Variants in MAP3K4 observed in about 807,000 individuals in gnomAD.
MAP3K4 encodes MAP three kinase 1.
Under a neutral mutation model 185.6 loss-of-function variants are expected in MAP3K4, and 67 were observed. That is an observed-to-expected ratio of 0.36 (90% CI 0.30 to 0.44). The LOEUF is 0.44. MAP3K4 is among the 20% of genes least tolerant of loss of function. The probability of loss-of-function intolerance (pLI) is 1.00; values close to 1 mark genes in which losing one functional copy is unlikely to be tolerated. For synonymous variants in MAP3K4, 702 were observed against 710.4 expected, an observed-to-expected ratio of 0.99 and a Z score of 0.19; for missense variants, 1,551 against 1,995.1, an observed-to-expected ratio of 0.78 and a Z score of 4.24.
chr6:161,068,750 A>G (rs1784811143), intron 3 of MAP3K4, among the ~76,000 whole-genome samples: 1 of 152,242 alleles, frequency 6.6e-6, no homozygotes, highest in Admixed American at 6.5e-5. Context: ...GTCTGCATGT[A>G]TGGTTCAAGG....
At position 161,107,048 on chromosome 6, in the gene MAP3K4, G is replaced by GCACA. The variant is rs1168768049; in HGVS notation, c.4048+344_4048+345insACAC. On this transcript the variant is annotated intron_variant, in intron 20 of 26. Coordinates refer to ENST00000392142, the MANE Select transcript of MAP3K4 (RefSeq NM_005922.4). This position sits in a 1 kb window ranked among gnomAD's most constrained non-coding sequence, Gnocchi z 6.2. Reference sequence around the variant, plus strand: ...TCTCTCTCTCTCTCTACACACGCGCGCGCACACACACACACACACACACAC... The same window carrying GCACA: ...TCTCTCTCTCTCTCTACACACGCGCGCACACGCACACACACACACACACACACAC... Among the ~76,000 whole-genome samples, 350 of 141,108 alleles carry GCACA rather than the reference G, an allele frequency of 2.5e-3. 2 individuals carry two copies. The highest frequency in any genetic ancestry group is 6.6e-3 in the African/African-American group (258 of 39,330). The allele number at this position is 141,108 out of a possible 152,430, so 92.6% of individuals were successfully genotyped here.
Position 161,112,876 on chromosome 6 carries a change from ACT to A in MAP3K4, c.4626+103_4626+104del, listed in dbSNP as rs2114922607. 1 of 673,110 alleles carries A rather than the reference ACT, an allele frequency of 1.5e-6. No homozygotes were observed. The highest frequency in any genetic ancestry group is 2.3e-6 in the Non-Finnish European group (1 of 436,372). 41.7% of individuals were successfully genotyped at this position (673,110 alleles called of 1,614,324 possible). A position where few individuals can be genotyped will look rare whatever the true frequency, so the allele number is the denominator to read the frequency against. On this transcript the variant is annotated intron_variant, in intron 25 of 26. Coordinates refer to ENST00000392142, the MANE Select transcript of MAP3K4 (RefSeq NM_005922.4). The surrounding 1 kb of genome is among the most constrained non-coding windows in gnomAD (Gnocchi z 5.1). The stretch of plus-strand genomic sequence containing the variant: ...ATTATTTATTACAAACACTGTGGAC[ACT>A]AAATAGCGAACGATATTAGATACAA...
chr6:161,002,837 C>T (rs1026502359), intron 1 of MAP3K4, among the ~76,000 whole-genome samples: 4 of 152,140 alleles, frequency 2.6e-5, no homozygotes, highest in East Asian at 1.9e-4. Context: ...GTGATCCACC[C>T]GCCTCAGCCT....
In MAP3K4 at chr6:161,054,278, C is replaced by T. The variant is rs143090496; in HGVS notation, c.1707+4299C>T. On this transcript the variant is annotated intron_variant, in intron 3 of 26. Coordinates refer to ENST00000392142, the MANE Select transcript of MAP3K4 (RefSeq NM_005922.4). This position sits in a 1 kb window ranked among gnomAD's most constrained non-coding sequence, Gnocchi z 4.2. ...CAGGCTATTCTCCTGCCTCAGCCTCCGGAGTAGCTGGGATTACAGGCATGC... is the reference window on the plus strand; with the variant it reads ...CAGGCTATTCTCCTGCCTCAGCCTCTGGAGTAGCTGGGATTACAGGCATGC... Among the ~76,000 whole-genome samples the T allele has an allele frequency of 0.012, 1,862 of 152,132 alleles. 29 individuals carry two copies. The highest frequency in any genetic ancestry group is 0.051 in the Middle Eastern group (15 of 292).
intron 3 of MAP3K4, among the ~76,000 whole-genome samples, chr6:161,060,159 C>T (rs1784422265): frequency 6.6e-6 from 1 of 152,106 alleles, no homozygotes; most frequent in African/African-American, 2.4e-5. Context: ...CTAATTCTCT[C>T]ATTTCTTCTT....
chr6:161,011,519 T>G (rs1169810930), intron 1 of MAP3K4, among the ~76,000 whole-genome samples: 1 of 152,188 alleles, frequency 6.6e-6, no homozygotes, highest in African/African-American at 2.4e-5. Flanking sequence ...ATTTAGAAAC[T>G]GTTTCTTTAT....
At chr6:161,005,451 T>C (rs992590613) in intron 1 of MAP3K4, among the ~76,000 whole-genome samples, 6 of 152,122 alleles carry the variant, frequency 3.9e-5, no homozygotes, top group African/African-American at 1.4e-4. Context: ...TAGACTTAAA[T>C]TGTGTTTAAT....
At position 161,053,736 on chromosome 6, in the gene MAP3K4, C is replaced by G. The variant is rs1015617334; in HGVS notation, c.1707+3757C>G. On this transcript the variant is annotated intron_variant, in intron 3 of 26. Transcript: ENST00000392142. The surrounding 1 kb of genome is among the most constrained non-coding windows in gnomAD (Gnocchi z 4.2). ...CCTCTTGAGTAGCTGGGATTACAAGCGTGCACCACCATGCCTGGCTAATTT... is the reference window on the plus strand; with the variant it reads ...CCTCTTGAGTAGCTGGGATTACAAGGGTGCACCACCATGCCTGGCTAATTT... 6.6e-6 allele frequency among the ~76,000 whole-genome samples: 1 copy of G among 152,044 alleles called. No homozygotes were observed. Among genetic ancestry groups the G allele is most frequent in the South Asian group, 2.1e-4 (1 of 4,828 alleles).
rs576703706 is a variant in MAP3K4 at position 161,049,181 on chromosome 6, C to T, written c.909C>T (p.Val303=). The T allele has an allele frequency of 8.1e-6, 13 of 1,613,978 alleles. No homozygotes were observed. The highest frequency in any genetic ancestry group is 2.2e-5 in the South Asian group (2 of 91,062). ...DIINEILTFK[V]DYGSFAFVRD... is the part of the protein sequence containing the mutation. The stretch of plus-strand genomic sequence containing the variant: ...TTAATGAAATCCTTACTTTCAAAGT[C>T]GACTATGGGAGCTTCGCCTTTGTTA... Residue 303 remains valine, a synonymous_variant, in exon 3 of 27, where the codon GTC becomes GTT. Transcript: ENST00000392142. This position sits in a 1 kb window ranked among gnomAD's most constrained non-coding sequence, Gnocchi z 8.4.
intron 17 of MAP3K4, among the ~76,000 whole-genome samples, chr6:161,099,748 T>TG (rs1432081763): frequency 6.6e-6 from 1 of 152,142 alleles, no homozygotes; most frequent in Non-Finnish European, 1.5e-5. Flanking sequence ...CAATAGGGAG[T>TG]GACCTCCCTC....
At position 161,054,235 on chromosome 6, in the gene MAP3K4, ACCTTTG is replaced by A. The variant is rs372094820; in HGVS notation, c.1707+4261_1707+4266del. ...AATGGCGCTATCTCAGCTCCCTGAG[ACCTTTG>A]CCTTGGGGGTTCAGGCTATTCTCCT... On this transcript the variant is annotated intron_variant, in intron 3 of 26. Transcript: ENST00000392142. The surrounding 1 kb of genome is among the most constrained non-coding windows in gnomAD (Gnocchi z 4.2). Among the ~76,000 whole-genome samples, 31 of 151,962 alleles carry A rather than the reference ACCTTTG, an allele frequency of 2.0e-4. No homozygotes were observed. The highest frequency in any genetic ancestry group is 7.2e-4 in the African/African-American group (30 of 41,446).
Position 161,098,357 on chromosome 6 carries a change from G to T in MAP3K4, c.3604G>T (p.Ala1202Ser), listed in dbSNP as rs1306031499. ...AAAAAAAAVA[A>S]SRPSPSGGDS... is the part of the protein sequence containing the mutation. Reference sequence around the variant, plus strand: ...TGCTGCTGCTGCTGCTGCTGTTGCTGCCAGTCGGCCCAGCCCCTCTGGTGG... The same window carrying T: ...TGCTGCTGCTGCTGCTGCTGTTGCTTCCAGTCGGCCCAGCCCCTCTGGTGG... The change falls in exon 17 of 27, where the codon GCC (alanine) becomes TCC (serine). Residue 1202 changes from alanine (A) to serine (S), a missense_variant. Coordinates refer to ENST00000392142, the MANE Select transcript of MAP3K4 (RefSeq NM_005922.4). The surrounding 1 kb of genome is among the most constrained non-coding windows in gnomAD (Gnocchi z 4.4). 2.5e-6 allele frequency: 4 copies of T among 1,613,520 alleles called. No homozygotes were observed. The highest frequency in any genetic ancestry group is 3.4e-6 in the Non-Finnish European group (4 of 1,179,978).
At position 161,115,647 on chromosome 6, in the gene MAP3K4, A is replaced by G. The variant is rs1387655869; in HGVS notation, c.4806+345A>G. On this transcript the variant is annotated intron_variant, in intron 26 of 26. Coordinates refer to ENST00000392142, the MANE Select transcript of MAP3K4 (RefSeq NM_005922.4). This position sits in a 1 kb window ranked among gnomAD's most constrained non-coding sequence, Gnocchi z 6.0. ...TAATCATTATACTGAGAGCTGTGAT[A>G]ATGGTATATAAGGTTACTCAGAAGA... Among the ~76,000 whole-genome samples, 1 of 152,190 alleles carries G rather than the reference A, an allele frequency of 6.6e-6. No homozygotes were observed. The highest frequency in any genetic ancestry group is 1.9e-4 in the East Asian group (1 of 5,188).
Position 161,100,056 on chromosome 6 carries a change from CTG to C in MAP3K4, c.3674+1638_3674+1639del, listed in dbSNP as rs952126577. On this transcript the variant is annotated intron_variant, in intron 17 of 26. Coordinates refer to ENST00000392142, the MANE Select transcript of MAP3K4 (RefSeq NM_005922.4). The surrounding 1 kb of genome is among the most constrained non-coding windows in gnomAD (Gnocchi z 5.8). ...GGATTCCCGTTTACTTTATGACCGTCTGTGTGTGTGAGATGGTAGGTAGAGAA... is the reference window on the plus strand; with the variant it reads ...GGATTCCCGTTTACTTTATGACCGTCTGTGTGTGAGATGGTAGGTAGAGAA... 2.6e-5 allele frequency among the ~76,000 whole-genome samples: 4 copies of C among 152,188 alleles called. No individual in the cohort carries two copies. Among genetic ancestry groups the C allele is most frequent in the African/African-American group, 9.7e-5 (4 of 41,444 alleles).
chr6:160,991,864 G>A lies in MAP3K4; in HGVS notation c.-68G>A. 1.4e-6 allele frequency: 2 copies of A among 1,422,710 alleles called. No homozygotes were observed. The highest frequency in any genetic ancestry group is 1.8e-6 in the Non-Finnish European group (2 of 1,098,718). The allele number at this position is 1,422,710 out of a possible 1,614,324, so 88.1% of individuals were successfully genotyped here. A position where few individuals can be genotyped will look rare whatever the true frequency, so the allele number is the denominator to read the frequency against. ...GGAGTCGAGTCACTCCCGCACTTCGGGGCTCCGGTGCCCCGCGCCAGGCTG... is the reference window on the plus strand; with the variant it reads ...GGAGTCGAGTCACTCCCGCACTTCGAGGCTCCGGTGCCCCGCGCCAGGCTG... On this transcript the variant is annotated 5_prime_UTR_variant, in exon 1 of 27. Coordinates refer to ENST00000392142, the MANE Select transcript of MAP3K4 (RefSeq NM_005922.4). This position sits in a 1 kb window ranked among gnomAD's most constrained non-coding sequence, Gnocchi z 5.7.
intron 5 of MAP3K4, among the ~76,000 whole-genome samples, chr6:161,078,321 G>T (rs1443691733): frequency 6.6e-6 from 1 of 152,214 alleles, no homozygotes; most frequent in Non-Finnish European, 1.5e-5. Context: ...TTGGGGTCTT[G>T]ACCAACAGGT....
At position 161,034,761 on chromosome 6, in the gene MAP3K4, A is replaced by T. The variant is rs771914780; in HGVS notation, c.343+312A>T. Among the ~76,000 whole-genome samples the T allele has an allele frequency of 6.6e-6, 1 of 152,150 alleles. No homozygotes were observed. The highest frequency in any genetic ancestry group is 1.5e-5 in the Non-Finnish European group (1 of 68,028). On this transcript the variant is annotated intron_variant, in intron 2 of 26. Coordinates refer to ENST00000392142, the MANE Select transcript of MAP3K4 (RefSeq NM_005922.4). The surrounding 1 kb of genome is among the most constrained non-coding windows in gnomAD (Gnocchi z 4.4). Reference sequence around the variant, plus strand: ...GGTTACATGGGATAGATGGCCTTCTATTCTTTCAGTCTCTTAGGCTGAAGT... The same window carrying T: ...GGTTACATGGGATAGATGGCCTTCTTTTCTTTCAGTCTCTTAGGCTGAAGT...
chr6:161,026,378 G>T (rs1004247616), intron 1 of MAP3K4, among the ~76,000 whole-genome samples: 1 of 151,806 alleles, frequency 6.6e-6, no homozygotes, highest in Non-Finnish European at 1.5e-5. Flanking sequence ...CTCGTGATCT[G>T]CCCTCCTTGG....
intron 11 of MAP3K4, among the ~76,000 whole-genome samples, chr6:161,090,781 C>T (rs929126733): frequency 4.0e-5 from 4 of 100,354 alleles, no homozygotes; most frequent in African/African-American, 8.6e-5. Context: ...GACGTTTGGG[C>T]CCGTAACTCT....
Sources: gnomAD v4.1 joint callset for allele counts (sites outside exome capture counted in the v4.1 genomes callset) on GRCh38, gnomAD v4.1.1 for gene constraint, Gnocchi (gnomAD v3.1) non-coding constraint, MANE v1.5 for transcripts, NCBI Gene and HGNC (gene_info 2026-07-23, HGNC 2026-07-21) for gene names.